The following SPICE1 variants were observed in gnomAD, a reference collection of about 807,000 sequenced individuals.
The protein encoded by SPICE1 is spindle and centriole associated protein 1, also known as spindle and centriole-associated protein 1.
SPICE1 carries 75 observed loss-of-function variants against 102.7 expected under a neutral mutation model. That is an observed-to-expected ratio of 0.73 (90% confidence interval 0.61 to 0.88). The LOEUF (loss-of-function observed/expected upper bound fraction) is 0.88. Ranked by LOEUF, SPICE1 falls within the 40% of genes least tolerant of loss-of-function variation. SPICE1 has a pLI of 0.00. For missense variants in SPICE1, 979 were observed against 1,020.1 expected (o/e 0.96, Z 0.55); for synonymous variants, 308 against 350.3 (o/e 0.88, Z 1.35).
At chr3:113,476,122 G>A (rs1228945497) in intron 7 of SPICE1, among the ~76,000 whole-genome samples, 1 of 151,812 alleles carries the variant, frequency 6.6e-6, no homozygotes, top group African/African-American at 2.4e-5. Context: ...AAAATCACAA[G>A]CATTCTTATA....
intron 13 of SPICE1, 31 bp from the exon 14 acceptor site, chr3:113,453,981 T>C (rs761264363): frequency 2.8e-5 from 42 of 1,526,396 alleles, no homozygotes; most frequent in South Asian, 2.3e-4. Context: ...ATAACAAATA[T>C]GTATTATTTT....
intron 6 of SPICE1, among the ~76,000 whole-genome samples, chr3:113,492,520 G>A (rs1000905916): frequency 2.2e-4 from 33 of 152,022 alleles, no homozygotes; most frequent in Non-Finnish European, 4.9e-4. Context: ...TTTTACTACT[G>A]TAATACAATT....
At chr3:113,500,031 T>C (rs978248069) in intron 3 of SPICE1, among the ~76,000 whole-genome samples, 3 of 151,974 alleles carry the variant, frequency 2.0e-5, no homozygotes, top group Admixed American at 6.6e-5. Context: ...GACACACTCA[T>C]TTCATGATCA....
intron 7 of SPICE1, among the ~76,000 whole-genome samples, chr3:113,482,619 T>C (rs889114514): frequency 3.3e-5 from 5 of 152,234 alleles, no homozygotes; most frequent in Admixed American, 6.5e-5. Context: ...GTTTCAGTTT[T>C]CTGCATATGG....
intron 15 of SPICE1, chr3:113,449,749 A>G (rs1000936095): frequency 6.5e-6 from 1 of 153,348 alleles, no homozygotes; most frequent in East Asian, 1.9e-4. Context: ...TCAATCTCTC[A>G]GTACTCTTCA....
intron 4 of SPICE1, among the ~76,000 whole-genome samples, chr3:113,494,595 C>T (rs1936840180): frequency 6.7e-6 from 1 of 149,692 alleles, no homozygotes; most frequent in African/African-American, 2.5e-5. Flanking sequence ...TGCAGTGAGC[C>T]GAGATCCCGC....
At chr3:113,506,855 T>G (rs2107507878) in intron 1 of SPICE1, among the ~76,000 whole-genome samples, 1 of 152,290 alleles carries the variant, frequency 6.6e-6, no homozygotes, top group Admixed American at 6.5e-5. Context: ...AAAAGAACTC[T>G]AGGAATGCAG....
chr3:113,476,339 C>T (rs182111702), intron 7 of SPICE1, among the ~76,000 whole-genome samples: 6,414 of 151,164 alleles, frequency 0.042, 220 homozygotes, highest in East Asian at 0.1. Context: ...GAATCACTAT[C>T]GTGAAAATGG....
At chr3:113,481,764 G>A (rs967685253) in intron 7 of SPICE1, among the ~76,000 whole-genome samples, 1 of 152,160 alleles carries the variant, frequency 6.6e-6, no homozygotes, top group African/African-American at 2.4e-5. Context: ...TTTTATGGCT[G>A]CATAGTATTC....
intron 3 of SPICE1, among the ~76,000 whole-genome samples, chr3:113,502,005 G>A (rs1937017040): frequency 6.6e-6 from 1 of 152,164 alleles, no homozygotes; most frequent in Non-Finnish European, 1.5e-5. Context: ...ACAATGCAAT[G>A]TCCACCAACT....
intron 13 of SPICE1, among the ~76,000 whole-genome samples, chr3:113,454,722 A>G (rs78911662): frequency 4.9e-5 from 7 of 143,708 alleles, no homozygotes; most frequent in African/African-American, 1.8e-4. Context: ...ATCTCAAAGG[A>G]AAAAAAAAAA....
intron 7 of SPICE1, among the ~76,000 whole-genome samples, chr3:113,479,284 G>A (rs1576636074): frequency 6.6e-6 from 1 of 151,132 alleles, no homozygotes; most frequent in Non-Finnish European, 1.5e-5. Context: ...TTTCATCCAT[G>A]TCCCTACAAA....
In SPICE1 at chr3:113,468,341, G is replaced by A. The variant is rs1036481102; in HGVS notation, c.953C>T (p.Thr318Ile). Residue 318 changes from threonine to isoleucine, a missense_variant, in exon 10 of 18, where the codon ACA becomes ATA. Thr to Ile is a moderately conservative substitution (Grantham distance 89). Transcript: ENST00000295872. The stretch of plus-strand genomic sequence containing the variant: ...CCTATTTGGTAAGTCTGCAGAGGTT[G>A]TGCTACCTGATGATATGTTTTTCTT... ...KPKKNISSGSTTSADLPNRTN... is the reference protein window; with the variant it reads ...KPKKNISSGSITSADLPNRTN... 2 of 1,614,152 alleles carry A rather than the reference G, an allele frequency of 1.2e-6. No homozygotes were observed. Among genetic ancestry groups the A allele is most frequent in the East Asian group, 2.2e-5 (1 of 44,884 alleles).
In SPICE1 at chr3:113,468,132, T is replaced by C. The variant is rs767139277; in HGVS notation, c.1155+7A>G. ...AAAAGAAGACTCTACTAACCTAATG[T>C]CCTTACCTCTTTAAGGTACCGAACC... On this transcript the variant is annotated splice_region_variant and intron_variant, in intron 10 of 17. Coordinates refer to ENST00000295872, the MANE Select transcript of SPICE1 (RefSeq NM_144718.4). 6.2e-7 allele frequency: 1 copy of C among 1,613,988 alleles called. No homozygotes were observed. Among genetic ancestry groups the C allele is most frequent in the South Asian group, 1.1e-5 (1 of 91,054 alleles).
chr3:113,481,790 C>A (rs1576637583), intron 7 of SPICE1, among the ~76,000 whole-genome samples: 2 of 152,158 alleles, frequency 1.3e-5, no homozygotes, highest in Admixed American at 1.3e-4. Context: ...TATATATGTG[C>A]CACATTTTCT....
At chr3:113,486,862 G>GAT (rs141247316) in intron 7 of SPICE1, among the ~76,000 whole-genome samples, 12,224 of 143,790 alleles carry the variant, frequency 0.085, 607 homozygotes, top group African/African-American at 0.15. Context: ...AAAATAAGGA[G>GAT]ATATATATAT....
At position 113,444,525 on chromosome 3, in the gene SPICE1, C is replaced by T. The variant is rs1383615397; in HGVS notation, c.*782G>A. 2 of 151,476 alleles carry T rather than the reference C, an allele frequency of 1.3e-5. No individual in the cohort carries two copies. Among genetic ancestry groups the T allele is most frequent in the African/African-American group, 2.4e-5 (1 of 41,350 alleles). The allele number at this position is 151,476 out of a possible 1,614,324, so 9.4% of individuals were successfully genotyped here. A position where few individuals can be genotyped will look rare whatever the true frequency, so the allele number is the denominator to read the frequency against. On this transcript the variant is annotated 3_prime_UTR_variant, in exon 18 of 18. Coordinates refer to ENST00000295872, the MANE Select transcript of SPICE1 (RefSeq NM_144718.4). ...AAAAAAAAAAAAAAAGAGAAATCTA[C>T]CCTGAAAGATCTGCTTAAATTCAGG...
intron 11 of SPICE1, among the ~76,000 whole-genome samples, chr3:113,462,944 G>GCCT (rs1935967460): frequency 6.6e-6 from 1 of 151,986 alleles, no homozygotes; most frequent in Non-Finnish European, 1.5e-5. Context: ...CTTGTCTCCT[G>GCCT]CCTCTCTCTC....
chr3:113,454,754 C>T (rs1009007570), intron 13 of SPICE1, among the ~76,000 whole-genome samples: 12 of 151,876 alleles, frequency 7.9e-5, no homozygotes, highest in East Asian at 5.8e-4. Context: ...TGTGTCAGAG[C>T]GCAAGTGACT....
Sources: allele counts gnomAD v4.1 joint callset (sites outside exome capture counted in the v4.1 genomes callset), GRCh38; gene constraint gnomAD v4.1.1; transcripts MANE v1.5; gene names NCBI Gene and HGNC (gene_info 2026-07-23, HGNC 2026-07-21).